The following YWHAE variants were observed in gnomAD, a reference collection of about 807,000 sequenced individuals.
YWHAE encodes the protein tyrosine 3-monooxygenase/tryptophan 5-monooxygenase activation protein epsilon, also known as 14-3-3 protein epsilon.
A neutral mutation model predicts 30.1 loss-of-function variants in YWHAE; 4 were observed. That is an observed-to-expected ratio of 0.13 (90% CI 0.07 to 0.30). The LOEUF is 0.30. YWHAE is among the 10% of genes least tolerant of loss of function. The pLI is 1.00. For missense variants in YWHAE, 121 were observed against 315.9 expected (o/e 0.38, Z 4.68); for synonymous variants, 118 against 111.8 (o/e 1.06, Z -0.35).
At chr17:1,388,107 T>TG (rs2073330672) in intron 1 of YWHAE, among the ~76,000 whole-genome samples, 1 of 46,526 alleles carries the variant, frequency 2.1e-5, no homozygotes, top group Non-Finnish European at 3.5e-5. Flanking sequence ...TTTTGTTTTT[T>TG]TTTTTGGTTG....
At chr17:1,375,721 G>A (rs1327210984) in intron 1 of YWHAE, among the ~76,000 whole-genome samples, 1 of 152,140 alleles carries the variant, frequency 6.6e-6, no homozygotes, top group Non-Finnish European at 1.5e-5. Context: ...TAATAGCCTA[G>A]ACACAGATCC....
intron 5 of YWHAE, chr17:1,348,125 T>TA (rs2072557858): frequency 2.4e-5 from 8 of 338,434 alleles, no homozygotes; most frequent in Non-Finnish European, 3.4e-5. Context: ...ACTTTGGTCT[T>TA]ACTTCGTGTA....
intron 1 of YWHAE, among the ~76,000 whole-genome samples, chr17:1,377,345 G>C (rs1291038827): frequency 6.6e-6 from 1 of 152,148 alleles, no homozygotes; most frequent in Non-Finnish European, 1.5e-5. Context: ...ACACTTCAAT[G>C]ACTTTGCAAC....
At chr17:1,354,149 A>C in intron 5 of YWHAE, 62 bp downstream of exon 5, 1 of 1,582,946 alleles carries the variant, frequency 6.3e-7, no homozygotes, top group Non-Finnish European at 8.6e-7. Flanking sequence ...GGAATGTCTA[A>C]AGAGAGTACA....
At chr17:1,369,820 C>G (rs1411878343) in intron 1 of YWHAE, 3 of 152,180 alleles carry the variant, frequency 2.0e-5, no homozygotes, top group African/African-American at 4.8e-5. Context: ...TATGTTTAAA[C>G]TACACTGTAA....
intron 1 of YWHAE, among the ~76,000 whole-genome samples, chr17:1,395,180 G>A (rs537754491): frequency 6.6e-6 from 1 of 150,962 alleles, no homozygotes; most frequent in South Asian, 2.1e-4. Context: ...ATCACCTGAG[G>A]TCAGGAGTTC....
At chr17:1,363,283 CAG>C (rs1567964848) in intron 2 of YWHAE, among the ~76,000 whole-genome samples, 11 of 152,028 alleles carry the variant, frequency 7.2e-5, no homozygotes, top group Admixed American at 6.6e-4. Flanking sequence ...TTCTTTGATT[CAG>C]AGTTTCCCTC....
chr17:1,378,434 C>G (rs1482528190), intron 1 of YWHAE, among the ~76,000 whole-genome samples: 2 of 152,214 alleles, frequency 1.3e-5, no homozygotes, highest in Non-Finnish European at 2.9e-5. Flanking sequence ...TTACTGATTT[C>G]TAAAAGGTCC....
intron 1 of YWHAE, among the ~76,000 whole-genome samples, chr17:1,391,362 T>C (rs146827489): frequency 6.6e-6 from 1 of 152,220 alleles, no homozygotes; most frequent in Non-Finnish European, 1.5e-5. Context: ...GGACAACGTT[T>C]AGGAAACTGT....
intron 1 of YWHAE, among the ~76,000 whole-genome samples, chr17:1,397,717 C>CA (rs2073495912): frequency 2.0e-5 from 3 of 151,924 alleles, no homozygotes; most frequent in South Asian, 4.2e-4. Context: ...CCACCAGAAA[C>CA]AAAAAAATAC....
intron 1 of YWHAE, among the ~76,000 whole-genome samples, chr17:1,388,085 C>T (rs556152237): frequency 7.0e-6 from 1 of 142,770 alleles, no homozygotes; most frequent in East Asian, 2.0e-4. Flanking sequence ...GCCACCACCA[C>T]GCCTGGGTAA....
At chr17:1,361,800 A>T in intron 3 of YWHAE, 102 bp downstream of exon 3, 2 of 667,604 alleles carry the variant, frequency 3.0e-6, no homozygotes, top group Non-Finnish European at 4.8e-6. Context: ...AACATTGAAC[A>T]ATTATTCTTA....
intron 1 of YWHAE, among the ~76,000 whole-genome samples, chr17:1,373,366 T>C (rs752741833): frequency 4.0e-5 from 6 of 151,760 alleles, no homozygotes; most frequent in Non-Finnish European, 8.8e-5. Context: ...ACCATTAACA[T>C]GTAATGAAAA....
intron 5 of YWHAE, among the ~76,000 whole-genome samples, chr17:1,349,820 T>A (rs1197261690): frequency 6.6e-6 from 1 of 152,032 alleles, no homozygotes; most frequent in Non-Finnish European, 1.5e-5. Flanking sequence ...TTCACTGTGT[T>A]AGCCAGGATG....
At chr17:1,374,860 C>T (rs1361616356) in intron 1 of YWHAE, among the ~76,000 whole-genome samples, 3 of 152,130 alleles carry the variant, frequency 2.0e-5, no homozygotes, top group Non-Finnish European at 2.9e-5. Flanking sequence ...CTCTGCATCC[C>T]TTAAGGTAGC....
intron 1 of YWHAE, among the ~76,000 whole-genome samples, chr17:1,398,409 T>C (rs1598278106): frequency 6.7e-6 from 1 of 149,128 alleles, no homozygotes; most frequent in Admixed American, 6.8e-5. Flanking sequence ...TAGTTCACTA[T>C]ATTTCCTAAA....
At position 1,392,994 on chromosome 17, in the gene YWHAE, G is replaced by C. The variant is rs11657879; in HGVS notation, c.64+7053C>G. Among the ~76,000 whole-genome samples the C allele has an allele frequency of 2.4e-3, 358 of 151,756 alleles. 3 individuals carry two copies. Among genetic ancestry groups the C allele is most frequent in the South Asian group, 4.6e-3 (22 of 4,798 alleles). ...AAGTCTGACAGATTGCTTGAGTCCA[G>C]GAATTCCAAGACCAGCCTGGGCAAC... On this transcript the variant is annotated intron_variant, in intron 1 of 5. Coordinates refer to ENST00000264335, the MANE Select transcript of YWHAE (RefSeq NM_006761.5).
At chr17:1,370,009 G>C (rs887857844) in intron 1 of YWHAE, among the ~76,000 whole-genome samples, 1 of 152,128 alleles carries the variant, frequency 6.6e-6, no homozygotes, top group Non-Finnish European at 1.5e-5. Context: ...CTGAAGGCTG[G>C]AGTGGCCGTG....
intron 1 of YWHAE, among the ~76,000 whole-genome samples, chr17:1,390,911 T>C (rs980648084): frequency 2.6e-5 from 4 of 152,216 alleles, no homozygotes; most frequent in African/African-American, 9.7e-5. Flanking sequence ...TGGTCTGAAC[T>C]ACACAGTTTG....
Sources: allele counts gnomAD v4.1 joint callset (sites outside exome capture counted in the v4.1 genomes callset), GRCh38; gene constraint gnomAD v4.1.1; transcripts MANE v1.5; gene names NCBI Gene and HGNC (gene_info 2026-07-23, HGNC 2026-07-21).